Variants in CDC5L observed in about 807,000 individuals in gnomAD.
CDC5L encodes the protein cell division cycle 5-like protein.
Under a neutral mutation model 104.1 loss-of-function variants are expected in CDC5L, and 18 were observed. That is an observed-to-expected ratio of 0.17 (90% confidence interval 0.12 to 0.26). The LOEUF (loss-of-function observed/expected upper bound fraction) is 0.26, where lower values mean the gene tolerates loss of function less well. Among genes scored for constraint, CDC5L ranks in the 10% least tolerant of loss-of-function variants. The pLI is 1.00. For missense variants in CDC5L, 673 were observed against 956.9 expected (o/e 0.70, Z 3.91); for synonymous variants, 331 against 322.7 (o/e 1.03, Z -0.28).
chr6:44,437,235 G>A (rs1450732052), intron 14 of CDC5L, among the ~76,000 whole-genome samples: 1 of 152,080 alleles, frequency 6.6e-6, no homozygotes. Context: ...TCATGCTTGA[G>A]GTTTATTGGC....
At chr6:44,442,928 T>C (rs1581663729) in intron 14 of CDC5L, among the ~76,000 whole-genome samples, 6 of 152,300 alleles carry the variant, frequency 3.9e-5, no homozygotes, top group Admixed American at 3.9e-4. Context: ...GGTGATAAAG[T>C]TAGCTATTGA....
At chr6:44,408,658 G>A (rs757947517) in intron 8 of CDC5L, 26 bp downstream of exon 8, 3 of 1,525,834 alleles carry the variant, frequency 2.0e-6, no homozygotes, top group Non-Finnish European at 2.7e-6. Context: ...GTAGAATGAG[G>A]CTTTTACTTT....
chr6:44,411,637 A>AGAGTGTGTGTGTGTGTGTGTGTGTGT lies in CDC5L; in HGVS notation c.1092+3006_1092+3007insAGTGTGTGTGTGTGTGTGTGTGTGTG. ...GAGAGAGAGAGAGAGAGAGAGAGAG[A>AGAGTGTGTGTGTGTGTGTGTGTGTGT]GTGTGTGTGTGTGTGTGACTAAAAA... On this transcript the variant is annotated intron_variant, in intron 8 of 15. Coordinates refer to ENST00000371477, the MANE Select transcript of CDC5L (RefSeq NM_001253.4). Among the ~76,000 whole-genome samples, 38 of 123,746 alleles carry AGAGTGTGTGTGTGTGTGTGTGTGTGT rather than the reference A, an allele frequency of 3.1e-4. 1 individual carries two copies. The East Asian group carries it at 0.017, about 56-fold the overall frequency. The allele number at this position is 123,746 out of a possible 152,430, so 81.2% of individuals were successfully genotyped here. A position where few individuals can be genotyped will look rare whatever the true frequency, so the allele number is the denominator to read the frequency against.
In CDC5L at chr6:44,448,896, A is replaced by G. The variant is rs1014381358; in HGVS notation, c.*2185A>G. ...AGTTTTTAAAGAGTTTGAATTAGAA[A>G]TGGCTCTGGAACTTTAAACAGTATA... is the stretch of plus-strand genomic sequence containing the variant. On this transcript the variant is annotated 3_prime_UTR_variant, in exon 16 of 16. Transcript: ENST00000371477. 2.6e-5 allele frequency: 4 copies of G among 152,202 alleles called. No homozygotes were observed. Among genetic ancestry groups the G allele is most frequent in the African/African-American group, 9.7e-5 (4 of 41,440 alleles). The allele number at this position is 152,202 out of a possible 1,614,324, so 9.4% of individuals were successfully genotyped here. A position where few individuals can be genotyped will look rare whatever the true frequency, so the allele number is the denominator to read the frequency against.
intron 6 of CDC5L, among the ~76,000 whole-genome samples, chr6:44,404,764 C>T (rs1369058952): frequency 6.6e-6 from 1 of 152,064 alleles, no homozygotes; most frequent in Non-Finnish European, 1.5e-5. Flanking sequence ...GGCATGATCA[C>T]AGCTCACTGT....
chr6:44,407,451 C>T (rs1031701356), intron 7 of CDC5L, among the ~76,000 whole-genome samples: 1 of 152,112 alleles, frequency 6.6e-6, no homozygotes, highest in Non-Finnish European at 1.5e-5. Flanking sequence ...CTCAGCCTTC[C>T]AAATAGCTGG....
At position 44,431,249 on chromosome 6, in the gene CDC5L, C is replaced by T. The variant is rs534136970; in HGVS notation, c.2091+1339C>T. On this transcript the variant is annotated intron_variant, in intron 14 of 15. Coordinates refer to ENST00000371477, the MANE Select transcript of CDC5L (RefSeq NM_001253.4). ...AGAAATGACTGGTTCTGAAGTAATT[C>T]TCATCTTGGGTAAAATCTTAGTTCA... Among the ~76,000 whole-genome samples the T allele has an allele frequency of 5.9e-5, 9 of 152,220 alleles. No individual in the cohort carries two copies. In the South Asian group the frequency reaches 1.7e-3, roughly 28 times the overall value.
At chr6:44,435,701 A>G (rs67182313) in intron 14 of CDC5L, 43,625 of 151,602 alleles carry the variant, frequency 0.29, 8,045 homozygotes, top group East Asian at 0.74. Context: ...AAAGCCACTC[A>G]GTGATGATGC....
intron 5 of CDC5L, among the ~76,000 whole-genome samples, chr6:44,397,901 G>T (rs1440651839): frequency 2.0e-5 from 3 of 152,180 alleles, no homozygotes; most frequent in African/African-American, 7.2e-5. Flanking sequence ...AAACCAAGAT[G>T]ATGTCACTAA....
At chr6:44,409,327 G>A (rs4714786) in intron 8 of CDC5L, among the ~76,000 whole-genome samples, 151,223 of 152,346 alleles carry the variant, frequency 0.99, 75,063 homozygotes, top group East Asian at 1. Context: ...GTTTTTCTAC[G>A]TAGAATTTGA....
intron 14 of CDC5L, among the ~76,000 whole-genome samples, chr6:44,431,425 GTAGT>G: frequency 6.6e-6 from 1 of 152,130 alleles, no homozygotes; most frequent in East Asian, 1.9e-4. Context: ...CTTATAAATG[GTAGT>G]TAGCAGTGTA....
At chr6:44,442,527 G>A (rs968299119) in intron 14 of CDC5L, among the ~76,000 whole-genome samples, 2 of 151,718 alleles carry the variant, frequency 1.3e-5, no homozygotes, top group Non-Finnish European at 2.9e-5. Flanking sequence ...CTTATATAAC[G>A]GTATTTTAAG....
intron 8 of CDC5L, among the ~76,000 whole-genome samples, chr6:44,415,422 T>C (rs1324493725): frequency 6.6e-6 from 1 of 152,176 alleles, no homozygotes; most frequent in Non-Finnish European, 1.5e-5. Flanking sequence ...CCTCTAACAG[T>C]GGCCTAAATA....
chr6:44,420,463 A>G (rs1160413827), intron 9 of CDC5L, among the ~76,000 whole-genome samples: 2 of 151,924 alleles, frequency 1.3e-5, no homozygotes. Flanking sequence ...GGTTCAAGCA[A>G]TTCTTCTGCC....
intron 7 of CDC5L, among the ~76,000 whole-genome samples, chr6:44,407,911 T>G: frequency 6.6e-6 from 1 of 152,196 alleles, no homozygotes; most frequent in South Asian, 2.1e-4. Context: ...TTAGATTTTC[T>G]TAGGGATCTT....
Position 44,424,526 on chromosome 6 carries a change from A to T in CDC5L, c.1512A>T (p.Glu504Asp). The T allele has an allele frequency of 6.2e-7, 1 of 1,614,020 alleles. No individual in the cohort carries two copies. Among genetic ancestry groups the T allele is most frequent in the Non-Finnish European group, 8.5e-7 (1 of 1,179,938 alleles). Residue 504 changes from glutamate (E) to aspartate (D), a missense_variant, in exon 11 of 16, where the codon GAA (glutamate) becomes GAT (aspartate). Physicochemically the swap from Glu to Asp is conservative, Grantham distance 45. Coordinates refer to ENST00000371477, the MANE Select transcript of CDC5L (RefSeq NM_001253.4). Reference sequence around the variant, plus strand: ...AAAATGCCGAGAAGGAGCTGGAAGAACGTGAAATAGATGATACTTACATTG... The same window carrying T: ...AAAATGCCGAGAAGGAGCTGGAAGATCGTGAAATAGATGATACTTACATTG... The part of the protein sequence containing the change: ...LPENAEKELE[E>D]REIDDTYIED...
chr6:44,420,588 C>G (rs1263163559), intron 9 of CDC5L, among the ~76,000 whole-genome samples: 5 of 151,890 alleles, frequency 3.3e-5, no homozygotes, highest in Non-Finnish European at 7.4e-5. Flanking sequence ...GAACTCCTGA[C>G]CTCAGGTAAT....
At position 44,390,384 on chromosome 6, in the gene CDC5L, T is replaced by A; in HGVS notation, c.149+13T>A. The A allele has an allele frequency of 6.6e-7, 1 of 1,514,790 alleles. No individual in the cohort carries two copies. Among genetic ancestry groups the A allele is most frequent in the South Asian group, 1.1e-5 (1 of 87,212 alleles). 93.8% of individuals were successfully genotyped at this position (1,514,790 alleles called of 1,614,324 possible). A position where few individuals can be genotyped will look rare whatever the true frequency, so the allele number is the denominator to read the frequency against. ...GCAAAGCCAGATGGTATGTATCAGT[T>A]TAATAAGTGGAAAACAGAAAAGGAG... On this transcript the variant is annotated intron_variant, in intron 2 of 15. Coordinates refer to ENST00000371477, the MANE Select transcript of CDC5L (RefSeq NM_001253.4).
chr6:44,421,416 G>A (rs188739283), intron 9 of CDC5L, among the ~76,000 whole-genome samples: 2 of 152,336 alleles, frequency 1.3e-5, no homozygotes, highest in African/African-American at 4.8e-5. Flanking sequence ...AATTTTAAGT[G>A]TTAAGATATG....
Sources: allele counts gnomAD v4.1 joint callset (sites outside exome capture counted in the v4.1 genomes callset), GRCh38; gene constraint gnomAD v4.1.1; transcripts MANE v1.5; gene names NCBI Gene and HGNC (gene_info 2026-07-23, HGNC 2026-07-21).